NELFCD: variants seen among roughly 807,000 people sequenced by gnomAD.
NELFCD encodes negative elongation factor C/D.
In NELFCD, 48 loss-of-function variants were observed where a neutral mutation model predicts 72.9. The observed-to-expected ratio is 0.66, with a 90% confidence interval of 0.52 to 0.84. The LOEUF is 0.84. Among genes scored for constraint, NELFCD ranks in the 40% least tolerant of loss-of-function variants. The pLI, the probability that NELFCD is intolerant of heterozygous loss-of-function variation, is 0.00. For missense variants in NELFCD, 538 were observed against 723.8 expected (o/e 0.74, Z 2.94); for synonymous variants, 297 against 280.6 (o/e 1.06, Z -0.59).
chr20:58,985,716 A>C (rs1425573683), intron 1 of NELFCD, among the ~76,000 whole-genome samples: 1 of 152,248 alleles, frequency 6.6e-6, no homozygotes, highest in African/African-American at 2.4e-5. Flanking sequence ...CACTGTTACG[A>C]AATGTCAGGG....
Position 58,986,725 on chromosome 20 carries a change from G to C in NELFCD, c.177-29G>C, listed in dbSNP as rs967548882. 15 of 1,318,792 alleles carry C rather than the reference G, an allele frequency of 1.1e-5. No homozygotes were observed. The highest frequency in any genetic ancestry group is 9.2e-5 in the East Asian group (4 of 43,516). The allele number at this position is 1,318,792 out of a possible 1,614,324, so 81.7% of individuals were successfully genotyped here. Reference sequence around the variant, plus strand: ...TGTTGTCCATCATTCCATTCATTCGGGTGTAATTGCTGTTGTTACTTTCCC... The same window carrying C: ...TGTTGTCCATCATTCCATTCATTCGCGTGTAATTGCTGTTGTTACTTTCCC... On this transcript the variant is annotated intron_variant, in intron 2 of 14. Transcript: ENST00000652272. The surrounding 1 kb of genome is among the most constrained non-coding windows in gnomAD (Gnocchi z 4.4).
chr20:58,988,411 A>C (rs1010517101), intron 4 of NELFCD, among the ~76,000 whole-genome samples: 1 of 152,210 alleles, frequency 6.6e-6, no homozygotes, highest in Non-Finnish European at 1.5e-5. Context: ...GCTGCATTCC[A>C]TCTGTGGCTG....
chr20:58,993,969 C>T lies in NELFCD; in HGVS notation c.1582-141C>T. On this transcript the variant is annotated intron_variant, in intron 13 of 14. Coordinates refer to ENST00000652272, the MANE Select transcript of NELFCD (RefSeq NM_198976.4). The surrounding 1 kb of genome is among the most constrained non-coding windows in gnomAD (Gnocchi z 5.0). ...TTACCTCCATTACCACCCTGGGCAT[C>T]TGAATGTTGGAGATGGGTGGTGTCA... 8.7e-7 allele frequency: 1 copy of T among 1,155,816 alleles called. No homozygotes were observed. The highest frequency in any genetic ancestry group is 1.2e-6 in the Non-Finnish European group (1 of 802,384). 71.6% of individuals were successfully genotyped at this position (1,155,816 alleles called of 1,614,324 possible). A position where few individuals can be genotyped will look rare whatever the true frequency, so the allele number is the denominator to read the frequency against.
intron 1 of NELFCD, among the ~76,000 whole-genome samples, chr20:58,983,679 G>A (rs1178389136): frequency 5.3e-5 from 8 of 152,210 alleles, no homozygotes; most frequent in Non-Finnish European, 1.2e-4. Flanking sequence ...GCCCGCCTCC[G>A]CCTCTCAAAG....
intron 1 of NELFCD, among the ~76,000 whole-genome samples, chr20:58,983,023 C>T (rs1025473325): frequency 6.6e-6 from 1 of 151,870 alleles, no homozygotes; most frequent in Non-Finnish European, 1.5e-5. Context: ...CCTTTGCCTC[C>T]GTTGCCACTT....
rs1601214349 is a variant in NELFCD at position 58,988,882 on chromosome 20, T to A, written c.397-32T>A. ...CCACTCAAGTAAAAGTGGGGCCTCC[T>A]CCTATCTTGCTGTTTGTGTGTGTGT... On this transcript the variant is annotated intron_variant, in intron 4 of 14. Coordinates refer to ENST00000652272, the MANE Select transcript of NELFCD (RefSeq NM_198976.4). The A allele has an allele frequency of 9.9e-6, 15 of 1,511,980 alleles. No homozygotes were observed. The East Asian group carries it at 3.4e-4, about 34-fold the overall frequency. 93.7% of individuals were successfully genotyped at this position (1,511,980 alleles called of 1,614,324 possible). A position where few individuals can be genotyped will look rare whatever the true frequency, so the allele number is the denominator to read the frequency against.
intron 14 of NELFCD, among the ~76,000 whole-genome samples, 165 bp from the exon 15 acceptor site, chr20:58,994,477 C>T (rs181627659): frequency 2.2e-4 from 33 of 150,924 alleles, no homozygotes; most frequent in Middle Eastern, 3.4e-3. Flanking sequence ...GCAGGAGAAT[C>T]GCTTAACCTG....
At chr20:58,984,996 C>T (rs1300153419) in intron 1 of NELFCD, among the ~76,000 whole-genome samples, 1 of 152,218 alleles carries the variant, frequency 6.6e-6, no homozygotes, top group Non-Finnish European at 1.5e-5. Context: ...TGTCTGCTCC[C>T]AAAGCACTGC....
chr20:58,993,476 C>T lies in NELFCD; in HGVS notation c.1372C>T (p.Pro458Ser), dbSNP rs1462537233. ...CAGCACCTGCCACCAGCTCCTGCAC[C>T]CCCAGGTCCTGCAGCTGCTTGTTAA... Reference protein sequence around the residue: ...EISTCHQLLHPQVLQLLVKLF... With the variant: ...EISTCHQLLHSQVLQLLVKLF... Residue 458 changes from proline (P) to serine (S), a missense_variant, in exon 12 of 15, where the codon CCC (proline) becomes TCC (serine). Around this residue, in one of 3 missense-constraint regions of NELFCD, gnomAD observed 136 missense variants for 154.0 expected, o/e 0.88. Transcript: ENST00000652272. The surrounding 1 kb of genome is among the most constrained non-coding windows in gnomAD (Gnocchi z 5.0). 1.2e-6 allele frequency: 2 copies of T among 1,613,954 alleles called. No individual in the cohort carries two copies. The highest frequency in any genetic ancestry group is 1.3e-5 in the African/African-American group (1 of 74,936).
rs2091804735 is a variant in NELFCD, at chr20:58,990,115, G to A, written c.788+127G>A. 6 of 1,313,126 alleles carry A rather than the reference G, an allele frequency of 4.6e-6. No homozygotes were observed. The South Asian group carries it at 8.5e-5, about 19-fold the overall frequency. 81.3% of individuals were successfully genotyped at this position (1,313,126 alleles called of 1,614,324 possible). On this transcript the variant is annotated intron_variant, in intron 7 of 14. Coordinates refer to ENST00000652272, the MANE Select transcript of NELFCD (RefSeq NM_198976.4). ...TCAACGTAGAGGTAAACTTGCTTTT[G>A]GCTGGGCGTGGTGGCTCACGCCTGT...
intron 10 of NELFCD, 107 bp downstream of exon 10, chr20:58,992,127 TTTTA>T (rs1717054516): frequency 1.6e-5 from 19 of 1,185,030 alleles, no homozygotes; most frequent in South Asian, 1.3e-4. Context: ...TACTTGTTCA[TTTTA>T]TTTATTTTTT....
chr20:58,985,255 A>G (rs1479257595), intron 1 of NELFCD, among the ~76,000 whole-genome samples: 1 of 152,164 alleles, frequency 6.6e-6, no homozygotes, highest in Non-Finnish European at 1.5e-5. Flanking sequence ...CTCTTGCCCC[A>G]TTATGTTAGA....
Position 58,993,187 on chromosome 20 carries a change from T to C in NELFCD, c.1344+75T>C. ...TGTTTACGTTGGCATTAACATTGCA[T>C]CTATTCAGTGAGTTTAGAGGATACT... On this transcript the variant is annotated intron_variant, in intron 11 of 14. Transcript: ENST00000652272. This position sits in a 1 kb window ranked among gnomAD's most constrained non-coding sequence, Gnocchi z 5.0. 8.9e-7 allele frequency: 1 copy of C among 1,122,554 alleles called. No individual in the cohort carries two copies. Among genetic ancestry groups the C allele is most frequent in the Non-Finnish European group, 1.4e-6 (1 of 735,012 alleles). The allele number at this position is 1,122,554 out of a possible 1,614,324, so 69.5% of individuals were successfully genotyped here.
At chr20:58,984,563 TG>T (rs1401510054) in intron 1 of NELFCD, among the ~76,000 whole-genome samples, 3 of 151,824 alleles carry the variant, frequency 2.0e-5, no homozygotes, top group Admixed American at 6.6e-5. Flanking sequence ...TTTTCAGGTT[TG>T]GGGGGTAACA....
Position 58,986,348 on chromosome 20 carries a change from C to T in NELFCD, c.176+140C>T, listed in dbSNP as rs1437050900. 1.9e-5 allele frequency: 9 copies of T among 475,048 alleles called. No individual in the cohort carries two copies. The highest frequency in any genetic ancestry group is 3.7e-5 in the East Asian group (1 of 27,064). 29.4% of individuals were successfully genotyped at this position (475,048 alleles called of 1,614,324 possible). ...CTTCAAGGGGGGGTCCCCTCTGCCA[C>T]TTTTTTTTTTTTTTTAAATTTTTTT... On this transcript the variant is annotated intron_variant, in intron 2 of 14. Coordinates refer to ENST00000652272, the MANE Select transcript of NELFCD (RefSeq NM_198976.4). The surrounding 1 kb of genome is among the most constrained non-coding windows in gnomAD (Gnocchi z 4.4).
At chr20:58,982,920 TC>T (rs2091746245) in intron 1 of NELFCD, among the ~76,000 whole-genome samples, 1 of 151,864 alleles carries the variant, frequency 6.6e-6, no homozygotes, top group Non-Finnish European at 1.5e-5. Flanking sequence ...ACCCTACTTA[TC>T]TGGTAAGTGT....
Position 58,989,802 on chromosome 20 carries a change from C to T in NELFCD, c.658-56C>T, listed in dbSNP as rs1450764153. The T allele has an allele frequency of 8.1e-6, 13 of 1,612,226 alleles. No homozygotes were observed. In the Admixed American group the frequency reaches 1.0e-4, roughly 12 times the overall value. ...GCACGGTGGAGGCTTGGCTCTCGTC[C>T]GCCCGTCTGTGCTACAGTAGTAAAC... On this transcript the variant is annotated intron_variant, in intron 6 of 14. Coordinates refer to ENST00000652272, the MANE Select transcript of NELFCD (RefSeq NM_198976.4).
chr20:58,989,476 T>C lies in NELFCD; in HGVS notation c.505-12T>C. On this transcript the variant is annotated splice_polypyrimidine_tract_variant and intron_variant, in intron 5 of 14. Coordinates refer to ENST00000652272, the MANE Select transcript of NELFCD (RefSeq NM_198976.4). ...GCATGCCTCCCCTCTGACTTCTTGTTTTGTGTCCTAGCTTATTTCTGACGC... is the reference window on the plus strand; with the variant it reads ...GCATGCCTCCCCTCTGACTTCTTGTCTTGTGTCCTAGCTTATTTCTGACGC... 1 of 1,612,078 alleles carries C rather than the reference T, an allele frequency of 6.2e-7. No individual in the cohort carries two copies. The highest frequency in any genetic ancestry group is 1.3e-5 in the African/African-American group (1 of 74,996).
Position 58,989,575 on chromosome 20 carries a change from A to C in NELFCD, c.592A>C (p.Thr198Pro), listed in dbSNP as rs1401637505. ...AGAAGTGTTCTCGAGAGTGCTCCGG[A>C]CCTCTCTAGCTACAATTTTAGATGG... Reference protein sequence around the residue: ...QLEVFSRVLRTSLATILDGGE... With the variant: ...QLEVFSRVLRPSLATILDGGE... Residue 198 changes from threonine to proline, a missense_variant, in exon 6 of 15, where the codon ACC (threonine) becomes CCC (proline). Coordinates refer to ENST00000652272, the MANE Select transcript of NELFCD (RefSeq NM_198976.4). 4 of 1,614,062 alleles carry C rather than the reference A, an allele frequency of 2.5e-6. No individual in the cohort carries two copies. The highest frequency in any genetic ancestry group is 3.4e-6 in the Non-Finnish European group (4 of 1,179,984).
Sources: gnomAD v4.1 joint callset for allele counts (sites outside exome capture counted in the v4.1 genomes callset) on GRCh38, gnomAD v4.1.1 for gene constraint, gnomAD v4.1.1 regional missense constraint, Gnocchi (gnomAD v3.1) non-coding constraint, MANE v1.5 for transcripts, NCBI Gene and HGNC (gene_info 2026-07-23, HGNC 2026-07-21) for gene names.